Variants in PTPRT observed in about 807,000 individuals in gnomAD.
PTPRT encodes the protein protein tyrosine phosphatase receptor type T.
PTPRT carries 56 observed loss-of-function variants against 176.8 expected under a neutral mutation model. The ratio of observed to expected loss-of-function variants is 0.32; its 90% CI spans 0.26 to 0.40. The LOEUF (loss-of-function observed/expected upper bound fraction) is 0.40, where lower values mean the gene tolerates loss of function less well. PTPRT is among the 10% of genes least tolerant of loss of function. The pLI, the probability that PTPRT is intolerant of heterozygous loss-of-function variation, is 1.00. For missense variants in PTPRT, 1,540 were observed against 1,908.2 expected, an observed-to-expected ratio of 0.81 and a Z score of 3.60; for synonymous variants, 783 against 739.0, an observed-to-expected ratio of 1.06 and a Z score of -0.96.
At chr20:42,345,582 ATGTGTG>A (rs56310086) in intron 11 of PTPRT, among the ~76,000 whole-genome samples, 9,004 of 94,598 alleles carry the variant, frequency 0.095, 661 homozygotes, top group African/African-American at 0.17. Flanking sequence ...ATACATATAT[ATGTGTG>A]TGTGTGTGTG....
intron 1 of PTPRT, among the ~76,000 whole-genome samples, chr20:42,924,546 T>C (rs1380697168): frequency 6.6e-6 from 1 of 152,150 alleles, no homozygotes; most frequent in East Asian, 1.9e-4. Flanking sequence ...AACATCTCTA[T>C]CTCTGCCATG....
At chr20:42,869,117 G>A (rs2078800890) in intron 2 of PTPRT, among the ~76,000 whole-genome samples, 1 of 152,224 alleles carries the variant, frequency 6.6e-6, no homozygotes, top group Non-Finnish European at 1.5e-5. Context: ...GCAGAGAACT[G>A]CCAGGGTGGG....
chr20:43,117,984 A>C (rs2013120264), intron 1 of PTPRT, among the ~76,000 whole-genome samples: 1 of 152,050 alleles, frequency 6.6e-6, no homozygotes, highest in African/African-American at 2.4e-5. Flanking sequence ...TCTTTCATGG[A>C]AAAAAAATTG....
At chr20:43,036,526 G>A (rs1170645908) in intron 1 of PTPRT, among the ~76,000 whole-genome samples, 3 of 138,980 alleles carry the variant, frequency 2.2e-5, no homozygotes, top group African/African-American at 8.8e-5. Flanking sequence ...GGAGGCAGAA[G>A]AGAAGAAAGA....
chr20:43,003,081 G>A (rs1197701564), intron 1 of PTPRT, among the ~76,000 whole-genome samples: 1 of 152,176 alleles, frequency 6.6e-6, no homozygotes, highest in Non-Finnish European at 1.5e-5. Context: ...TACTTCATCT[G>A]TCAACAAATT....
chr20:42,322,260 T>G (rs1399828790), intron 11 of PTPRT, among the ~76,000 whole-genome samples: 2 of 150,814 alleles, frequency 1.3e-5, no homozygotes, highest in Non-Finnish European at 2.9e-5. Context: ...AAAAAACTAC[T>G]TTAAAGTTCA....
chr20:42,210,550 C>T (rs370977753), intron 15 of PTPRT, among the ~76,000 whole-genome samples: 3 of 151,826 alleles, frequency 2.0e-5, no homozygotes, highest in African/African-American at 2.4e-5. Flanking sequence ...TCACAATTGC[C>T]TCAAAGAGAA....
intron 1 of PTPRT, among the ~76,000 whole-genome samples, chr20:43,144,187 A>G (rs1433375215): frequency 6.6e-6 from 1 of 152,190 alleles, no homozygotes; most frequent in Non-Finnish European, 1.5e-5. Context: ...TCCAAGCTTC[A>G]GACTCAAATA....
At chr20:42,787,022 T>C (rs773564945) in intron 3 of PTPRT, among the ~76,000 whole-genome samples, 35 of 152,206 alleles carry the variant, frequency 2.3e-4, no homozygotes, top group Non-Finnish European at 3.2e-4. Flanking sequence ...CACAGCTGGG[T>C]CCATTCATTT....
intron 15 of PTPRT, among the ~76,000 whole-genome samples, chr20:42,233,000 C>T (rs1312002571): frequency 6.6e-6 from 1 of 152,108 alleles, no homozygotes; most frequent in African/African-American, 2.4e-5. Context: ...CCAACTCCTC[C>T]TGCTGCAAAA....
chr20:42,661,046 T>A (rs2075214665), intron 7 of PTPRT, among the ~76,000 whole-genome samples: 1 of 152,104 alleles, frequency 6.6e-6, no homozygotes, highest in South Asian at 2.1e-4. Context: ...AGATCGGGTT[T>A]CACCATATTG....
At chr20:42,071,492 C>T (rs1982332706), downstream of PTPRT, among the ~76,000 whole-genome samples, 1 of 152,108 alleles carries the variant, frequency 6.6e-6, no homozygotes, top group Non-Finnish European at 1.5e-5. Flanking sequence ...CATATAGAAT[C>T]CTAGCTCCTA....
chr20:42,184,535 C>CTTCT (rs1568652084), intron 16 of PTPRT, among the ~76,000 whole-genome samples: 2,486 of 36,616 alleles, frequency 0.068, 135 homozygotes, highest in Middle Eastern at 0.12. Context: ...CTTCTTCTTC[C>CTTCT]TCTTCCTCTT....
Position 42,915,948 on chromosome 20 carries a change from T to C in PTPRT, c.89-30016A>G, listed in dbSNP as rs562651087. On this transcript the variant is annotated intron_variant, in intron 1 of 30. Coordinates refer to ENST00000373187, the MANE Select transcript of PTPRT (RefSeq NM_007050.6). ...TTCCCTCATGAGTGCCCAATTGTTG[T>C]TGTTGTTGTTGTTGTTTTTATTATT... Among the ~76,000 whole-genome samples the C allele has an allele frequency of 1.6e-3, 238 of 152,094 alleles. 1 individual carries two copies. The highest frequency in any genetic ancestry group is 2.6e-3 in the Non-Finnish European group (179 of 67,964).
chr20:42,199,434 A>C (rs919942455), intron 15 of PTPRT, 46 bp from the exon 16 acceptor site: 2 of 1,596,658 alleles, frequency 1.3e-6, no homozygotes, highest in African/African-American at 2.7e-5. Flanking sequence ...AGATGGTGCC[A>C]GTTGCATTAA....
At chr20:42,779,962 A>G (rs2077191368) in intron 4 of PTPRT, among the ~76,000 whole-genome samples, 1 of 152,068 alleles carries the variant, frequency 6.6e-6, no homozygotes, top group Non-Finnish European at 1.5e-5. Flanking sequence ...CTCCCTTAAT[A>G]ATGGAGAGAG....
chr20:42,159,000 A>G (rs1480532695), intron 17 of PTPRT, among the ~76,000 whole-genome samples: 5 of 152,236 alleles, frequency 3.3e-5, no homozygotes, highest in Non-Finnish European at 7.3e-5. Context: ...ATATTAATCT[A>G]GAACGAAATG....
chr20:42,786,262 G>A (rs2077289253), intron 3 of PTPRT, among the ~76,000 whole-genome samples: 5 of 152,148 alleles, frequency 3.3e-5, no homozygotes. Flanking sequence ...TAATATACCT[G>A]ACATGATGAT....
intron 1 of PTPRT, among the ~76,000 whole-genome samples, chr20:43,080,834 C>G (rs1002405256): frequency 6.6e-6 from 1 of 152,268 alleles, no homozygotes; most frequent in South Asian, 2.1e-4. Context: ...AGTGAGAAGT[C>G]GAACCACAAG....
Sources: gnomAD v4.1 joint callset for allele counts (sites outside exome capture counted in the v4.1 genomes callset) on GRCh38, gnomAD v4.1.1 for gene constraint, MANE v1.5 for transcripts, NCBI Gene and HGNC (gene_info 2026-07-23, HGNC 2026-07-21) for gene names.